DPP4: variants seen among roughly 807,000 people sequenced by gnomAD.
The protein encoded by DPP4 is dipeptidyl peptidase 4, also known as ADCP-2.
Under a neutral mutation model 122.4 loss-of-function variants are expected in DPP4, and 93 were observed. That is an observed-to-expected ratio of 0.76 (90% CI 0.64 to 0.90). The LOEUF is 0.90. Among genes scored for constraint, DPP4 ranks in the 40% least tolerant of loss-of-function variants. The pLI is 0.00. For missense variants in DPP4, 914 were observed against 907.3 expected (o/e 1.01, Z -0.09); for synonymous variants, 321 against 302.9 (o/e 1.06, Z -0.62).
At chr2:162,047,073 T>C in intron 3 of DPP4, 67 bp from the exon 4 acceptor site, 1 of 849,524 alleles carries the variant, frequency 1.2e-6, no homozygotes, top group East Asian at 2.5e-5. Context: ...AGCTGAAAAT[T>C]ACAGAATACA....
chr2:162,002,052 T>G (rs539071276), intron 23 of DPP4, among the ~76,000 whole-genome samples: 101 of 152,300 alleles, frequency 6.6e-4, no homozygotes, highest in South Asian at 1.7e-3. Flanking sequence ...TAGGCCTTAG[T>G]CTCAGGGTCC....
At chr2:162,062,956 T>A (rs974121450) in intron 2 of DPP4, among the ~76,000 whole-genome samples, 3 of 151,894 alleles carry the variant, frequency 2.0e-5, no homozygotes, top group Admixed American at 6.6e-5. Flanking sequence ...ACCTTGTCTG[T>A]TGTGTTGAGA....
intron 10 of DPP4, among the ~76,000 whole-genome samples, chr2:162,031,665 G>T (rs892379005): frequency 6.6e-6 from 1 of 152,062 alleles, no homozygotes; most frequent in Non-Finnish European, 1.5e-5. Flanking sequence ...ATTCTCCAGG[G>T]GGTATTTTTT....
intron 5 of DPP4, among the ~76,000 whole-genome samples, chr2:162,043,340 T>G (rs1684056210): frequency 6.6e-6 from 1 of 152,140 alleles, no homozygotes; most frequent in South Asian, 2.1e-4. Context: ...GGTGTTTTAT[T>G]TTGAGTGTGA....
chr2:162,025,598 C>A (rs1057208537), intron 10 of DPP4, among the ~76,000 whole-genome samples: 12 of 152,160 alleles, frequency 7.9e-5, no homozygotes, highest in African/African-American at 2.9e-4. Flanking sequence ...TCCTCCCCAA[C>A]ACATACTTAA....
In DPP4 at chr2:161,993,077, A is replaced by C; in HGVS notation, c.*206T>G. ...ACAATAAAACCCGACCGGATAATTC[A>C]AACTTCTGTAAGGTAATAATCTGTT... On this transcript the variant is annotated 3_prime_UTR_variant, in exon 26 of 26. Transcript: ENST00000360534. 1 of 455,354 alleles carries C rather than the reference A, an allele frequency of 2.2e-6. No individual in the cohort carries two copies. Among genetic ancestry groups the C allele is most frequent in the Non-Finnish European group, 4.0e-6 (1 of 252,382 alleles). The allele number at this position is 455,354 out of a possible 1,614,324, so 28.2% of individuals were successfully genotyped here. A position where few individuals can be genotyped will look rare whatever the true frequency, so the allele number is the denominator to read the frequency against.
In DPP4 at chr2:161,993,050, A is replaced by G. The variant is rs1700902475; in HGVS notation, c.*233T>C. 2.5e-6 allele frequency: 1 copy of G among 393,136 alleles called. No homozygotes were observed. Among genetic ancestry groups the G allele is most frequent in the South Asian group, 4.6e-5 (1 of 21,682 alleles). The allele number at this position is 393,136 out of a possible 1,614,324, so 24.4% of individuals were successfully genotyped here. On this transcript the variant is annotated 3_prime_UTR_variant, in exon 26 of 26. Transcript: ENST00000360534. ...CAGCAGCTGATGCAGAAATGATTTT[A>G]AACAATAAAACCCGACCGGATAATT...
chr2:161,999,046 G>C (rs1415906335), intron 23 of DPP4, among the ~76,000 whole-genome samples: 2 of 152,172 alleles, frequency 1.3e-5, no homozygotes, highest in African/African-American at 2.4e-5. Context: ...CTGTGAGAGG[G>C]AGAGAGGCAG....
chr2:162,013,674 G>C (rs1266851023), intron 19 of DPP4, among the ~76,000 whole-genome samples: 1 of 151,838 alleles, frequency 6.6e-6, no homozygotes, highest in African/African-American at 2.4e-5. Flanking sequence ...CATTCGGCAG[G>C]TCCCTGCACT....
intron 23 of DPP4, among the ~76,000 whole-genome samples, chr2:161,998,424 G>T (rs1036938797): frequency 7.2e-5 from 11 of 152,186 alleles, no homozygotes; most frequent in African/African-American, 2.6e-4. Context: ...TTAGCTCTTT[G>T]CTCGCGGAAG....
At chr2:162,013,225 C>T (rs1682770746) in intron 19 of DPP4, among the ~76,000 whole-genome samples, 2 of 150,890 alleles carry the variant, frequency 1.3e-5, no homozygotes, top group Non-Finnish European at 3.0e-5. Context: ...TTTTTAAAAC[C>T]TTTTCTAATG....
Position 162,027,282 on chromosome 2 carries a change from C to T in DPP4, c.888-2343G>A, listed in dbSNP as rs537906844. ...AGGAGAATTGCTTGAACCCGGGAGACGGAGGTTGTGATGAGCCAAGATCAA... is the reference window on the plus strand; with the variant it reads ...AGGAGAATTGCTTGAACCCGGGAGATGGAGGTTGTGATGAGCCAAGATCAA... On this transcript the variant is annotated intron_variant, in intron 10 of 25. Transcript: ENST00000360534. Among the ~76,000 whole-genome samples the T allele has an allele frequency of 1.0e-3, 150 of 150,464 alleles. 2 individuals carry two copies. The highest frequency in any genetic ancestry group is 3.3e-3 in the African/African-American group (136 of 40,764).
intron 2 of DPP4, among the ~76,000 whole-genome samples, chr2:162,051,506 C>A (rs147723402): frequency 6.6e-6 from 1 of 152,148 alleles, no homozygotes; most frequent in Non-Finnish European, 1.5e-5. Flanking sequence ...GTGCTCGTTA[C>A]GGCACATAAC....
In DPP4 at chr2:162,046,951, A is replaced by G; in HGVS notation, c.249T>C (p.Tyr83=). 1.9e-6 allele frequency: 3 copies of G among 1,597,872 alleles called. No individual in the cohort carries two copies. The highest frequency in any genetic ancestry group is 2.6e-6 in the Non-Finnish European group (3 of 1,165,466). ...TCTCCAAGAAAACTGAGCTGTTTCC[A>G]TATTCAGCATTGAATACCAAGATAT... ...ENNILVFNAE[Y]GNSSVFLENS... The change falls in exon 4 of 26, where the codon TAT becomes TAC. Residue 83 remains tyrosine, a synonymous_variant. Coordinates refer to ENST00000360534, the MANE Select transcript of DPP4 (RefSeq NM_001935.4).
chr2:162,045,621 CA>C lies in DPP4; in HGVS notation c.286-10del. ...GAATGTCCAAACTCATCCTGTCAAA[CA>C]AGAAGAACAAAGAAAAATTGAACAA... On this transcript the variant is annotated splice_polypyrimidine_tract_variant and intron_variant, in intron 4 of 25. Transcript: ENST00000360534. 1.2e-6 allele frequency: 2 copies of C among 1,600,062 alleles called. No individual in the cohort carries two copies. The highest frequency in any genetic ancestry group is 1.7e-6 in the Non-Finnish European group (2 of 1,168,286).
chr2:162,065,887 T>C (rs1382054636), intron 2 of DPP4, among the ~76,000 whole-genome samples: 1 of 152,216 alleles, frequency 6.6e-6, no homozygotes, highest in Non-Finnish European at 1.5e-5. Context: ...ACAAAGGCCA[T>C]ATCTATTGTC....
chr2:161,997,604 T>C (rs1701038554), intron 23 of DPP4, among the ~76,000 whole-genome samples: 1 of 152,176 alleles, frequency 6.6e-6, no homozygotes, highest in South Asian at 2.1e-4. Context: ...CATTCTGAAA[T>C]GTATTGAGAT....
At chr2:161,997,842 G>T (rs1184628631) in intron 23 of DPP4, among the ~76,000 whole-genome samples, 1 of 152,110 alleles carries the variant, frequency 6.6e-6, no homozygotes. Context: ...ACCTGCACCC[G>T]GTCACAACTA....
intron 12 of DPP4, 104 bp downstream of exon 12, chr2:162,022,651 T>A (rs978688079): frequency 9.7e-7 from 1 of 1,034,506 alleles, no homozygotes; most frequent in Admixed American, 1.8e-5. Flanking sequence ...TAACTAATAT[T>A]GCTATTAATA....
Sources: gnomAD v4.1 joint callset for allele counts (sites outside exome capture counted in the v4.1 genomes callset) on GRCh38, gnomAD v4.1.1 for gene constraint, MANE v1.5 for transcripts, NCBI Gene and HGNC (gene_info 2026-07-23, HGNC 2026-07-21) for gene names.